The following TUBGCP3 variants were observed in gnomAD, a reference collection of about 807,000 sequenced individuals.
The protein encoded by TUBGCP3 is gamma-tubulin complex component 3.
A neutral mutation model predicts 123.1 loss-of-function variants in TUBGCP3; 50 were observed. The observed-to-expected ratio is 0.41, with a 90% confidence interval of 0.32 to 0.51. TUBGCP3 has a LOEUF of 0.51. Among genes scored for constraint, TUBGCP3 ranks in the 20% least tolerant of loss-of-function variants. TUBGCP3 has a pLI of 0.36. For missense variants in TUBGCP3, 882 were observed against 1,127.0 expected (o/e 0.78, Z 3.11); for synonymous variants, 405 against 413.9 (o/e 0.98, Z 0.26).
chr13:112,597,874 T>C, the TUBGCP3 span, among the ~76,000 whole-genome samples: 6 of 151,920 alleles, frequency 3.9e-5, no homozygotes, highest in East Asian at 1.2e-3. Flanking sequence ...AGAGAGAAAA[T>C]GTGTCAGAGA....
chr13:112,493,616 G>A (rs944370404), intron 20 of TUBGCP3, among the ~76,000 whole-genome samples: 2 of 149,204 alleles, frequency 1.3e-5, no homozygotes, highest in African/African-American at 5.0e-5. Context: ...AGATGCTCTG[G>A]CTATGGGAAC....
chr13:112,548,174 GCT>G lies in TUBGCP3; in HGVS notation c.967_968del (p.Ser323LeufsTer28), dbSNP rs1327367549. ...GTTCCTGGTGCAAGGCAGCACAAAA[GCT>G]CTGTTTGGAGGAGAAATATAATTAA... is the stretch of plus-strand genomic sequence containing the variant. ...LDRSFGLVGQ[S>X]FCAALHQELR... On this transcript the variant is annotated frameshift_variant and splice_region_variant, in exon 9 of 22. Coordinates refer to ENST00000261965, the MANE Select transcript of TUBGCP3 (RefSeq NM_006322.6). LOFTEE classifies it high-confidence loss of function. 1 of 1,600,568 alleles carries G rather than the reference GCT, an allele frequency of 6.2e-7. No homozygotes were observed. Among genetic ancestry groups the G allele is most frequent in the Non-Finnish European group, 8.5e-7 (1 of 1,172,012 alleles).
chr13:112,563,847 C>T (rs1006386560), intron 3 of TUBGCP3, among the ~76,000 whole-genome samples: 1 of 151,262 alleles, frequency 6.6e-6, no homozygotes, highest in Admixed American at 6.6e-5. Context: ...TGCACTCCAG[C>T]CTGGGGCACA....
At position 112,519,131 on chromosome 13, in the gene TUBGCP3, G is replaced by T; in HGVS notation, c.1882-88C>A. Reference sequence around the variant, plus strand: ...CGCAAAGAAAAAGCAGTAAAATAATGCCCAATTGTTAAAAACTGCTCAACA... The same window carrying T: ...CGCAAAGAAAAAGCAGTAAAATAATTCCCAATTGTTAAAAACTGCTCAACA... On this transcript the variant is annotated intron_variant, in intron 15 of 21. Coordinates refer to ENST00000261965, the MANE Select transcript of TUBGCP3 (RefSeq NM_006322.6). This position sits in a 1 kb window ranked among gnomAD's most constrained non-coding sequence, Gnocchi z 6.2. 9.4e-7 allele frequency: 1 copy of T among 1,069,364 alleles called. No individual in the cohort carries two copies. Among genetic ancestry groups the T allele is most frequent in the Non-Finnish European group, 1.4e-6 (1 of 693,124 alleles). The allele number at this position is 1,069,364 out of a possible 1,614,324, so 66.2% of individuals were successfully genotyped here. A position where few individuals can be genotyped will look rare whatever the true frequency, so the allele number is the denominator to read the frequency against.
intron 11 of TUBGCP3, among the ~76,000 whole-genome samples, chr13:112,536,825 G>A (rs765227798): frequency 6.6e-6 from 1 of 152,104 alleles, no homozygotes; most frequent in Non-Finnish European, 1.5e-5. Context: ...CACCCAGAGT[G>A]CAGTGGTACA....
chr13:112,534,387 G>A (rs1348216671), intron 11 of TUBGCP3, among the ~76,000 whole-genome samples: 1 of 152,112 alleles, frequency 6.6e-6, no homozygotes, highest in Non-Finnish European at 1.5e-5. Flanking sequence ...TCTACTAAAA[G>A]TACAAAAAAT....
intron 11 of TUBGCP3, among the ~76,000 whole-genome samples, chr13:112,538,890 A>G (rs2139138833): frequency 6.6e-6 from 1 of 152,354 alleles, no homozygotes; most frequent in South Asian, 2.1e-4. Context: ...TTAATTACAT[A>G]GTGATCAAAC....
intron 1 of TUBGCP3, among the ~76,000 whole-genome samples, chr13:112,582,505 G>T (rs1882343441): frequency 6.6e-6 from 1 of 152,194 alleles, no homozygotes; most frequent in Non-Finnish European, 1.5e-5. Flanking sequence ...AGCCAAGGCT[G>T]CCACGTGAGG....
At chr13:112,490,870 G>A (rs559086652) in intron 20 of TUBGCP3, among the ~76,000 whole-genome samples, 4 of 152,244 alleles carry the variant, frequency 2.6e-5, no homozygotes, top group South Asian at 2.1e-4. Context: ...GGAGCCCTTC[G>A]ATGGCTTTGT....
Position 112,588,057 on chromosome 13 carries a change from C to T in TUBGCP3, c.-77G>A. ...CACGCGCAGGGACCGCGGCCCGCGC[C>T]CTTCCTGCGCCCCGCAAGCTCCCTG... On this transcript the variant is annotated 5_prime_UTR_variant, in exon 1 of 22. Coordinates refer to ENST00000261965, the MANE Select transcript of TUBGCP3 (RefSeq NM_006322.6). 3 of 1,216,336 alleles carry T rather than the reference C, an allele frequency of 2.5e-6. No homozygotes were observed. Among genetic ancestry groups the T allele is most frequent in the Non-Finnish European group, 3.2e-6 (3 of 933,646 alleles). 75.3% of individuals were successfully genotyped at this position (1,216,336 alleles called of 1,614,324 possible). A position where few individuals can be genotyped will look rare whatever the true frequency, so the allele number is the denominator to read the frequency against.
intron 3 of TUBGCP3, among the ~76,000 whole-genome samples, chr13:112,564,449 A>G (rs1880789366): frequency 6.6e-6 from 1 of 152,230 alleles, no homozygotes; most frequent in Non-Finnish European, 1.5e-5. Context: ...AAGTTCCTTT[A>G]TAGTCAGAAA....
In TUBGCP3 at chr13:112,516,580, G is replaced by T; in HGVS notation, c.1951-5C>A. The T allele has an allele frequency of 6.2e-7, 1 of 1,611,798 alleles. No individual in the cohort carries two copies. Reference sequence around the variant, plus strand: ...CATACATTCTCGAGTAAACACCTGGGATAACAGCAGAAGACAAGTTGATAG... The same window carrying T: ...CATACATTCTCGAGTAAACACCTGGTATAACAGCAGAAGACAAGTTGATAG... On this transcript the variant is annotated splice_polypyrimidine_tract_variant and splice_region_variant and intron_variant, in intron 16 of 21. Transcript: ENST00000261965.
chr13:112,545,604 G>A lies in TUBGCP3; in HGVS notation c.1335+95C>T, dbSNP rs1878921838. 3 of 1,432,932 alleles carry A rather than the reference G, an allele frequency of 2.1e-6. No individual in the cohort carries two copies. The highest frequency in any genetic ancestry group is 2.8e-5 in the African/African-American group (2 of 71,474). 88.8% of individuals were successfully genotyped at this position (1,432,932 alleles called of 1,614,324 possible). A position where few individuals can be genotyped will look rare whatever the true frequency, so the allele number is the denominator to read the frequency against. On this transcript the variant is annotated intron_variant, in intron 11 of 21. Coordinates refer to ENST00000261965, the MANE Select transcript of TUBGCP3 (RefSeq NM_006322.6). The surrounding 1 kb of genome is among the most constrained non-coding windows in gnomAD (Gnocchi z 4.1). Reference sequence around the variant, plus strand: ...GGAAGTGCAGTTGCATTCCTGTTAGGAGAACATGGTAATCATGAGGGGAAA... The same window carrying A: ...GGAAGTGCAGTTGCATTCCTGTTAGAAGAACATGGTAATCATGAGGGGAAA...
upstream of TUBGCP3, among the ~76,000 whole-genome samples, chr13:112,590,533 C>T (rs146973938): frequency 2.0e-5 from 3 of 152,086 alleles, no homozygotes; most frequent in African/African-American, 4.8e-5. Context: ...GATACAGGCA[C>T]ATCCTAGTGA....
intron 20 of TUBGCP3, among the ~76,000 whole-genome samples, chr13:112,493,329 T>C (rs1482065106): frequency 1.3e-5 from 2 of 149,890 alleles, no homozygotes; most frequent in African/African-American, 4.9e-5. Context: ...GAACATGGCC[T>C]GGTATGCCTG....
chr13:112,533,637 T>A (rs1877779381), intron 11 of TUBGCP3, among the ~76,000 whole-genome samples: 1 of 151,890 alleles, frequency 6.6e-6, no homozygotes, highest in Non-Finnish European at 1.5e-5. Flanking sequence ...ACAGTTCACA[T>A]CACATGTTGA....
chr13:112,487,047 C>CTGTGTGTG (rs1417332163), intron 21 of TUBGCP3, among the ~76,000 whole-genome samples: 1 of 121,564 alleles, frequency 8.2e-6, no homozygotes, highest in East Asian at 2.6e-4. Flanking sequence ...CAGGCAAACA[C>CTGTGTGTG]TGTGTATGTG....
chr13:112,521,903 A>C (rs1427075914), intron 14 of TUBGCP3: 7 of 950,096 alleles, frequency 7.4e-6, no homozygotes, highest in Non-Finnish European at 7.5e-6. Flanking sequence ...CAGGGAGCAA[A>C]ATGAAAAGGT....
At chr13:112,603,021 G>A in the TUBGCP3 span, 2 of 152,264 alleles carry the variant, frequency 1.3e-5, no homozygotes, top group Admixed American at 6.5e-5. Flanking sequence ...AGCACAGAAA[G>A]AGCTTGAGGC....
Sources: allele counts gnomAD v4.1 joint callset (sites outside exome capture counted in the v4.1 genomes callset), GRCh38; gene constraint gnomAD v4.1.1; non-coding constraint Gnocchi (gnomAD v3.1); transcripts MANE v1.5; gene names NCBI Gene and HGNC (gene_info 2026-07-23, HGNC 2026-07-21).